RERE: variants seen among roughly 807,000 people sequenced by gnomAD.
RERE encodes arginine-glutamic acid dipeptide repeats protein.
Under a neutral mutation model 146.1 loss-of-function variants are expected in RERE, and 40 were observed. The ratio of observed to expected loss-of-function variants is 0.27; its 90% CI spans 0.21 to 0.36. RERE has a LOEUF of 0.36. Ranked by LOEUF, RERE falls within the 10% of genes least tolerant of loss-of-function variation. The probability of loss-of-function intolerance (pLI) is 1.00; values close to 1 mark genes in which losing one functional copy is unlikely to be tolerated. For synonymous variants in RERE, 1,003 were observed against 866.0 expected, an observed-to-expected ratio of 1.16 and a Z score of -2.78; for missense variants, 1,933 against 2,138.7, an observed-to-expected ratio of 0.90 and a Z score of 1.90.
At chr1:8,763,637 AAAAC>A (rs1266444177) in intron 1 of RERE, among the ~76,000 whole-genome samples, 3 of 152,014 alleles carry the variant, frequency 2.0e-5, no homozygotes, top group South Asian at 2.1e-4. Flanking sequence ...TCCGTCTCAA[AAAAC>A]AAACAAACAA....
chr1:8,358,734 G>A lies in RERE; in HGVS notation c.3801C>T (p.Pro1267=), dbSNP rs1641415549. 3 of 1,607,928 alleles carry A rather than the reference G, an allele frequency of 1.9e-6. No individual in the cohort carries two copies. The highest frequency in any genetic ancestry group is 1.3e-5 in the African/African-American group (1 of 74,854). Residue 1267 remains proline, a synonymous_variant, in exon 20 of 23, where the codon CCC becomes CCT. Coordinates refer to ENST00000400908, the MANE Select transcript of RERE (RefSeq NM_001042681.2). The stretch of plus-strand genomic sequence containing the variant: ...TGTAGAAGGGGTGGTTGCGGTTGGT[G>A]GGCGACATGACGTGGGGCCGGGCGT... ...SEYARPHVMS[P]TNRNHPFYMP...
intron 1 of RERE, among the ~76,000 whole-genome samples, chr1:8,800,209 T>C (rs1338237068): frequency 6.7e-6 from 1 of 149,250 alleles, no homozygotes; most frequent in Non-Finnish European, 1.5e-5. Flanking sequence ...CAGTGAGCCA[T>C]GATCACACCA....
chr1:8,585,146 C>CAAAAAAAAAA (rs3082123), intron 4 of RERE, among the ~76,000 whole-genome samples: 18 of 130,112 alleles, frequency 1.4e-4, no homozygotes, highest in African/African-American at 5.2e-4. Flanking sequence ...GACTCCATCT[C>CAAAAAAAAAA]AAAAAAAAAA....
intron 11 of RERE, among the ~76,000 whole-genome samples, chr1:8,440,124 T>C (rs1476613582): frequency 1.3e-5 from 2 of 152,174 alleles, no homozygotes; most frequent in African/African-American, 2.4e-5. Context: ...GCCAGTAACA[T>C]TGTGCCCAAC....
At chr1:8,393,823 G>A (rs560569930) in intron 12 of RERE, among the ~76,000 whole-genome samples, 1 of 152,074 alleles carries the variant, frequency 6.6e-6, no homozygotes, top group Non-Finnish European at 1.5e-5. Flanking sequence ...AAACTATATA[G>A]AGTTGAAAAT....
At chr1:8,764,289 G>A (rs1454294588) in intron 1 of RERE, among the ~76,000 whole-genome samples, 1 of 152,064 alleles carries the variant, frequency 6.6e-6, no homozygotes, top group Non-Finnish European at 1.5e-5. Flanking sequence ...GCAATGTGTC[G>A]CTCTCTATAG....
chr1:8,615,414 A>G (rs1408857346), intron 3 of RERE, among the ~76,000 whole-genome samples: 1 of 152,208 alleles, frequency 6.6e-6, no homozygotes, highest in African/African-American at 2.4e-5. Flanking sequence ...AACTTTGAAA[A>G]CATTTAAAAA....
intron 4 of RERE, among the ~76,000 whole-genome samples, chr1:8,581,083 G>A (rs761679538): frequency 6.6e-6 from 1 of 152,168 alleles, no homozygotes; most frequent in Admixed American, 6.5e-5. Context: ...TATTCAAGTG[G>A]TTGTACCATC....
chr1:8,452,120 C>T lies in RERE; in HGVS notation c.1203+13805G>A, dbSNP rs186798156. 3.3e-4 allele frequency among the ~76,000 whole-genome samples: 50 copies of T among 152,200 alleles called. 1 individual carries two copies. The highest frequency in any genetic ancestry group is 1.1e-3 in the African/African-American group (45 of 41,530). On this transcript the variant is annotated intron_variant, in intron 11 of 22. Transcript: ENST00000400908. ...TTAACTAACCTCTGTCAACTCTGCC[C>T]GGTGAAATCCTATCCATCCTTCAAG...
At chr1:8,674,156 T>C (rs1041661700) in intron 1 of RERE, among the ~76,000 whole-genome samples, 2 of 152,170 alleles carry the variant, frequency 1.3e-5, no homozygotes, top group Admixed American at 1.3e-4. Context: ...AAATGTAAAA[T>C]GCAAGCTTTC....
chr1:8,442,161 G>A (rs1002832139), intron 11 of RERE, among the ~76,000 whole-genome samples: 1 of 152,148 alleles, frequency 6.6e-6, no homozygotes, highest in Non-Finnish European at 1.5e-5. Flanking sequence ...TAGGTGGGCA[G>A]ATTACCTGAG....
At chr1:8,626,855 T>C (rs1438113152) in intron 2 of RERE, among the ~76,000 whole-genome samples, 1 of 152,186 alleles carries the variant, frequency 6.6e-6, no homozygotes, top group East Asian at 1.9e-4. Flanking sequence ...CTTTTCGCAT[T>C]TCTTTCCTCA....
chr1:8,355,980 G>A (rs1265675665), intron 21 of RERE, 120 bp downstream of exon 21: 9 of 1,112,384 alleles, frequency 8.1e-6, no homozygotes, highest in Non-Finnish European at 1.1e-5. Context: ...GCATGCAGGG[G>A]GAGCGAACCC....
intron 12 of RERE, among the ~76,000 whole-genome samples, chr1:8,411,109 C>T (rs1452610599): frequency 2.6e-5 from 4 of 152,098 alleles, no homozygotes; most frequent in East Asian, 1.9e-4. Context: ...GAAAATGGTA[C>T]ACTTTTGTAT....
At chr1:8,559,381 A>AG (rs757577376) in intron 4 of RERE, among the ~76,000 whole-genome samples, 6 of 151,718 alleles carry the variant, frequency 4.0e-5, no homozygotes, top group Non-Finnish European at 7.4e-5. Flanking sequence ...ACTGTGCCAA[A>AG]TACACATGCC....
rs1234224479 is a variant in RERE, at chr1:8,360,096, G to A, written c.3395+16C>T. The A allele has an allele frequency of 2.5e-6, 4 of 1,577,622 alleles. No individual in the cohort carries two copies. The highest frequency in any genetic ancestry group is 1.7e-6 in the Non-Finnish European group (2 of 1,160,234). On this transcript the variant is annotated intron_variant, in intron 18 of 22. Coordinates refer to ENST00000400908, the MANE Select transcript of RERE (RefSeq NM_001042681.2). Reference sequence around the variant, plus strand: ...CCACCTGTGCCTGACCCGTCCTGGAGCCCTAGGAAGCGTACCTAGCTGACT... The same window carrying A: ...CCACCTGTGCCTGACCCGTCCTGGAACCCTAGGAAGCGTACCTAGCTGACT...
chr1:8,524,067 G>A (rs1645540664), intron 7 of RERE, among the ~76,000 whole-genome samples: 1 of 152,182 alleles, frequency 6.6e-6, no homozygotes, highest in Admixed American at 6.5e-5. Flanking sequence ...GTCTATTGAA[G>A]GGATACTTTT....
At chr1:8,654,430 G>A (rs1241570637) in intron 2 of RERE, among the ~76,000 whole-genome samples, 1 of 152,102 alleles carries the variant, frequency 6.6e-6, no homozygotes, top group African/African-American at 2.4e-5. Flanking sequence ...GCATTCCTCA[G>A]TAAAATGATT....
At chr1:8,395,468 C>T (rs1298707208) in intron 12 of RERE, among the ~76,000 whole-genome samples, 2 of 135,290 alleles carry the variant, frequency 1.5e-5, no homozygotes, top group Non-Finnish European at 3.1e-5. Context: ...GAGTGAGGCT[C>T]TGTCTCAAAA....
Sources: allele counts gnomAD v4.1 joint callset (sites outside exome capture counted in the v4.1 genomes callset), GRCh38; gene constraint gnomAD v4.1.1; transcripts MANE v1.5; gene names NCBI Gene and HGNC (gene_info 2026-07-23, HGNC 2026-07-21).